HS1BP3: variants seen among roughly 807,000 people sequenced by gnomAD.
The protein encoded by HS1BP3 is HCLS1 binding protein 3.
In HS1BP3, 32 loss-of-function variants were observed where a neutral mutation model predicts 33.5. That is an observed-to-expected ratio of 0.95 (90% confidence interval 0.72 to 1.28). The LOEUF is 1.28. Ranked by LOEUF, HS1BP3 falls within the 50% of genes most tolerant of loss-of-function variation. The pLI, the probability that HS1BP3 is intolerant of heterozygous loss-of-function variation, is 0.00. For missense variants in HS1BP3, 486 were observed against 502.3 expected (o/e 0.97, Z 0.31); for synonymous variants, 187 against 209.2 (o/e 0.89, Z 0.92).
rs147716348 is a variant in HS1BP3 at position 20,586,819 on chromosome 2, G to A, written c.303-26304C>T. ...ATAATCAACCAAGAAAGTTTTAAAC[G>A]GCTTAATAAGTATGAACATTTGCGT... On this transcript the variant is annotated intron_variant, in intron 5 of 5. Coordinates refer to the HS1BP3 transcript ENST00000446825. 341 of 152,234 alleles carry A rather than the reference G, an allele frequency of 2.2e-3. 1 individual carries two copies. Among genetic ancestry groups the A allele is most frequent in the African/African-American group, 7.7e-3 (318 of 41,534 alleles). The allele number at this position is 152,234 out of a possible 1,614,324, so 9.4% of individuals were successfully genotyped here. A position where few individuals can be genotyped will look rare whatever the true frequency, so the allele number is the denominator to read the frequency against.
rs752766419 is a variant in HS1BP3 at position 20,641,034 on chromosome 2, G to T, written c.345C>A (p.Ile115=). 4.0e-5 allele frequency: 65 copies of T among 1,614,048 alleles called. No homozygotes were observed. Among genetic ancestry groups the T allele is most frequent in the Non-Finnish European group, 5.4e-5 (64 of 1,180,040 alleles). Residue 115 remains isoleucine, a synonymous_variant, in exon 3 of 7, where the codon ATC becomes ATA. Transcript: ENST00000304031. ...IRERRAVFNE[I]LRCVSKDAEL... is the part of the protein sequence containing the mutation. ...CGGCATCCTTGGAGACACAGCGCAG[G>T]ATCTCATTGAACACGGCTCTCCTCT...
At chr2:20,616,778 C>T (rs1045389938), downstream of HS1BP3, among the ~76,000 whole-genome samples, 2 of 152,142 alleles carry the variant, frequency 1.3e-5, no homozygotes, top group Non-Finnish European at 1.5e-5. Context: ...TCTCCCCTCC[C>T]TGGTGGTCTG....
the HS1BP3 span, among the ~76,000 whole-genome samples, chr2:20,554,842 T>C: frequency 6.6e-6 from 1 of 152,154 alleles, no homozygotes; most frequent in East Asian, 1.9e-4. Context: ...AGTGCTTCTT[T>C]GCATACAAAA....
chr2:20,573,769 G>T lies in HS1BP3; in HGVS notation c.303-13254C>A, dbSNP rs996617956. 1.3e-3 allele frequency among the ~76,000 whole-genome samples: 193 copies of T among 152,178 alleles called. 1 individual carries two copies. Among genetic ancestry groups the T allele is most frequent in the Admixed American group, 0.013 (193 of 15,284 alleles). On this transcript the variant is annotated intron_variant, in intron 5 of 5. Coordinates refer to the HS1BP3 transcript ENST00000446825. The stretch of plus-strand genomic sequence containing the variant: ...TCTCATAAAAATAACAATTAGCAAA[G>T]CCCGGAATCCAGACAGCCTCCGGTC...
intron 5 of HS1BP3, among the ~76,000 whole-genome samples, chr2:20,580,469 A>G (rs561488826): frequency 6.6e-6 from 1 of 152,282 alleles, no homozygotes; most frequent in African/African-American, 2.4e-5. Context: ...CAGTGAGCCA[A>G]GATTGTGCCA....
chr2:20,566,330 G>A (rs974873754), intron 5 of HS1BP3, among the ~76,000 whole-genome samples: 1 of 152,234 alleles, frequency 6.6e-6, no homozygotes, highest in African/African-American at 2.4e-5. Context: ...CTGAGTCTCT[G>A]AACTGCCCAG....
intron 5 of HS1BP3, among the ~76,000 whole-genome samples, 199 bp from the exon 6 acceptor site, chr2:20,624,230 G>A (rs1694699432): frequency 6.6e-6 from 1 of 152,170 alleles, no homozygotes; most frequent in African/African-American, 2.4e-5. Flanking sequence ...GGGGCCCTCG[G>A]GATAGGGACT....
intron 5 of HS1BP3, among the ~76,000 whole-genome samples, chr2:20,563,427 A>C (rs1247670055): frequency 1.3e-5 from 2 of 152,208 alleles, no homozygotes; most frequent in Admixed American, 1.3e-4. Flanking sequence ...CCCAGCAATG[A>C]GGGCCCAGCC....
downstream of HS1BP3, among the ~76,000 whole-genome samples, chr2:20,616,686 A>G (rs1205882861): frequency 6.6e-6 from 1 of 151,750 alleles, no homozygotes; most frequent in Admixed American, 6.6e-5. Context: ...CCCTTCCCCT[A>G]CCCTAAGCAG....
chr2:20,572,106 A>G (rs553393765), intron 5 of HS1BP3, among the ~76,000 whole-genome samples: 3 of 152,278 alleles, frequency 2.0e-5, no homozygotes, highest in African/African-American at 7.2e-5. Flanking sequence ...TTCCTTTCTG[A>G]TGGCTCAAGA....
intron 2 of HS1BP3, among the ~76,000 whole-genome samples, chr2:20,609,283 C>T (rs1412329614): frequency 6.6e-6 from 1 of 152,216 alleles, no homozygotes; most frequent in African/African-American, 2.4e-5. Flanking sequence ...CACATGAGAA[C>T]CCACAGCAGC....
intron 4 of HS1BP3, chr2:20,637,173 G>C (rs1695163203): frequency 6.6e-6 from 1 of 152,252 alleles, no homozygotes; most frequent in Non-Finnish European, 1.5e-5. Flanking sequence ...GAGCCGCTCG[G>C]CTAAGTGTGT....
At chr2:20,627,076 A>G (rs1283441208) in intron 4 of HS1BP3, among the ~76,000 whole-genome samples, 1 of 152,206 alleles carries the variant, frequency 6.6e-6, no homozygotes, top group Admixed American at 6.5e-5. Flanking sequence ...CCAGGCTCGC[A>G]GCCACTGTTC....
chr2:20,555,849 A>G (rs1382274553), downstream of HS1BP3, among the ~76,000 whole-genome samples: 1 of 152,160 alleles, frequency 6.6e-6, no homozygotes, highest in East Asian at 1.9e-4. Flanking sequence ...ACACACCCAC[A>G]GGAGAAAATG....
At chr2:20,588,280 A>C (rs1693729732), downstream of HS1BP3, among the ~76,000 whole-genome samples, 2 of 152,208 alleles carry the variant, frequency 1.3e-5, no homozygotes, top group Non-Finnish European at 2.9e-5. Flanking sequence ...TTTTGAAATA[A>C]TATACATGCT....
intron 1 of HS1BP3, among the ~76,000 whole-genome samples, chr2:20,649,416 T>C (rs1285008690): frequency 6.6e-6 from 1 of 152,190 alleles, no homozygotes; most frequent in Non-Finnish European, 1.5e-5. Flanking sequence ...TACCACACCA[T>C]AGAAAACAGC....
In HS1BP3 at chr2:20,618,727, C is replaced by A; in HGVS notation, c.*260G>T. 6 of 1,286,534 alleles carry A rather than the reference C, an allele frequency of 4.7e-6. No homozygotes were observed. The highest frequency in any genetic ancestry group is 3.0e-6 in the Non-Finnish European group (3 of 1,016,704). The allele number at this position is 1,286,534 out of a possible 1,614,324, so 79.7% of individuals were successfully genotyped here. On this transcript the variant is annotated 3_prime_UTR_variant, in exon 7 of 7. Coordinates refer to ENST00000304031, the MANE Select transcript of HS1BP3 (RefSeq NM_022460.4). Reference sequence around the variant, plus strand: ...GGCAAGGCATCCCCACACCCTCCCTCCCCTTCATGTCCACGGGGAATAAGA... The same window carrying A: ...GGCAAGGCATCCCCACACCCTCCCTACCCTTCATGTCCACGGGGAATAAGA...
At chr2:20,638,118 G>A (rs533703660) in intron 4 of HS1BP3, 64 of 506,482 alleles carry the variant, frequency 1.3e-4, no homozygotes, top group Admixed American at 1.1e-3. Context: ...CACACTAGCC[G>A]GACAGGCCCG....
chr2:20,585,803 C>G (rs1159622243), intron 5 of HS1BP3, among the ~76,000 whole-genome samples: 1 of 152,202 alleles, frequency 6.6e-6, no homozygotes, highest in Non-Finnish European at 1.5e-5. Context: ...CAACAGCAGC[C>G]CCGTCATGGG....
Sources: allele counts gnomAD v4.1 joint callset (sites outside exome capture counted in the v4.1 genomes callset), GRCh38; gene constraint gnomAD v4.1.1; transcripts MANE v1.5; gene names NCBI Gene and HGNC (gene_info 2026-07-23, HGNC 2026-07-21).